Variants in SRGAP2 observed in about 807,000 individuals in gnomAD.
SRGAP2 encodes the protein SLIT-ROBO Rho GTPase activating protein 2, also known as SLIT-ROBO Rho GTPase-activating protein 2.
A neutral mutation model predicts 57.2 loss-of-function variants in SRGAP2; 15 were observed. That is an observed-to-expected ratio of 0.26 (90% CI 0.18 to 0.40). The LOEUF (loss-of-function observed/expected upper bound fraction) is 0.40. Ranked by LOEUF, SRGAP2 falls within the 10% of genes least tolerant of loss-of-function variation. The probability of loss-of-function intolerance (pLI) is 1.00; values close to 1 mark genes in which losing one functional copy is unlikely to be tolerated. For missense variants in SRGAP2, 520 were observed against 669.6 expected (o/e 0.78, Z 2.47); for synonymous variants, 249 against 248.0 (o/e 1.00, Z -0.04).
chr1:206,250,231 T>A (rs1404676172), intron 2 of SRGAP2, among the ~76,000 whole-genome samples: 1 of 152,026 alleles, frequency 6.6e-6, no homozygotes, highest in African/African-American at 2.4e-5. Context: ...CTTTTCTCAT[T>A]ATTGATGTGA....
intron 4 of SRGAP2, among the ~76,000 whole-genome samples, chr1:206,347,660 G>A (rs1194555080): frequency 3.3e-5 from 5 of 151,106 alleles, no homozygotes; most frequent in Admixed American, 2.0e-4. Context: ...AGAATCCAAC[G>A]TTTTCATCTA....
chr1:206,304,655 C>T (rs1324195198), intron 3 of SRGAP2, among the ~76,000 whole-genome samples: 1 of 149,850 alleles, frequency 6.7e-6, no homozygotes, highest in African/African-American at 2.4e-5. Flanking sequence ...TCTGCCTGCT[C>T]CATTGTGATC....
intron 14 of SRGAP2, among the ~76,000 whole-genome samples, chr1:206,434,971 G>A (rs1553369497): frequency 6.6e-6 from 1 of 152,186 alleles, no homozygotes; most frequent in African/African-American, 2.4e-5. Context: ...TTCTCTCAAA[G>A]CACTTGTTGT....
At chr1:206,312,083 A>G (rs1327260056) in intron 3 of SRGAP2, 1 of 152,260 alleles carries the variant, frequency 6.6e-6, no homozygotes, top group Non-Finnish European at 1.5e-5. Flanking sequence ...CTCTGCCCAG[A>G]ACATCTCAGC....
At chr1:206,460,495 A>G (rs1553380100) in intron 22 of SRGAP2, among the ~76,000 whole-genome samples, 1 of 151,622 alleles carries the variant, frequency 6.6e-6, no homozygotes, top group Non-Finnish European at 1.5e-5. Flanking sequence ...GGGCGGGGGG[A>G]GGCGTATTGG....
At chr1:206,457,206 A>C (rs1663913155) in intron 21 of SRGAP2, among the ~76,000 whole-genome samples, 1 of 152,070 alleles carries the variant, frequency 6.6e-6, no homozygotes, top group Admixed American at 6.6e-5. Context: ...TCAAGCAGAA[A>C]AAGGAAATCA....
intron 3 of SRGAP2, among the ~76,000 whole-genome samples, chr1:206,335,964 C>T (rs1245542338): frequency 6.6e-6 from 1 of 152,210 alleles, no homozygotes; most frequent in African/African-American, 2.4e-5. Flanking sequence ...ACCTAACCCA[C>T]AAGAACCTTG....
chr1:206,347,325 C>A (rs868985351), intron 4 of SRGAP2, among the ~76,000 whole-genome samples: 2 of 149,012 alleles, frequency 1.3e-5, no homozygotes, highest in Non-Finnish European at 3.0e-5. Flanking sequence ...CGCCTGTAAT[C>A]GCAGCGCTTT....
chr1:206,355,134 T>C (rs1288683805), intron 4 of SRGAP2, among the ~76,000 whole-genome samples: 1 of 152,182 alleles, frequency 6.6e-6, no homozygotes, highest in Non-Finnish European at 1.5e-5. Flanking sequence ...TCCAAGCCAG[T>C]ATCTAATGCA....
intron 2 of SRGAP2, among the ~76,000 whole-genome samples, chr1:206,286,988 A>C (rs1347343269): frequency 7.2e-5 from 11 of 152,202 alleles, no homozygotes; most frequent in Non-Finnish European, 1.3e-4. Context: ...AGGAGGCAGC[A>C]AGACCAGTTA....
chr1:206,426,726 G>A (rs1553366455), intron 13 of SRGAP2, among the ~76,000 whole-genome samples: 2 of 152,150 alleles, frequency 1.3e-5, no homozygotes, highest in African/African-American at 4.8e-5. Context: ...GTGACATTGA[G>A]CATTTTTTCA....
intron 19 of SRGAP2, among the ~76,000 whole-genome samples, chr1:206,452,489 T>C (rs1001235727): frequency 3.3e-5 from 5 of 152,168 alleles, no homozygotes; most frequent in African/African-American, 4.8e-5. Flanking sequence ...ACTGGAATTA[T>C]TATATAATTA....
At chr1:206,233,420 G>T (rs1225392341) in intron 2 of SRGAP2, among the ~76,000 whole-genome samples, 1 of 152,164 alleles carries the variant, frequency 6.6e-6, no homozygotes, top group African/African-American at 2.4e-5. Flanking sequence ...GCTGGGGAGG[G>T]GTGGGAGTGA....
chr1:206,284,429 G>T (rs1346828801), intron 2 of SRGAP2, among the ~76,000 whole-genome samples: 1 of 150,854 alleles, frequency 6.6e-6, no homozygotes, highest in Non-Finnish European at 1.5e-5. Context: ...TCTTGTTGTT[G>T]GTTTTTTTGT....
Position 206,432,555 on chromosome 1 carries a change from A to G in SRGAP2, c.1555+2333A>G, listed in dbSNP as rs571435327. Among the ~76,000 whole-genome samples the G allele has an allele frequency of 6.6e-5, 10 of 152,340 alleles. No individual in the cohort carries two copies. The South Asian group carries it at 2.1e-3, about 32-fold the overall frequency. ...CCATACATAGAGGAGTGGTTGAAGAAACTATGGGACATTCATTCAATGGAG... is the reference window on the plus strand; with the variant it reads ...CCATACATAGAGGAGTGGTTGAAGAGACTATGGGACATTCATTCAATGGAG... On this transcript the variant is annotated intron_variant, in intron 14 of 22. Transcript: ENST00000573034.
chr1:206,428,665 T>C (rs1182150911), intron 13 of SRGAP2, among the ~76,000 whole-genome samples: 3 of 152,050 alleles, frequency 2.0e-5, no homozygotes, highest in Admixed American at 2.0e-4. Flanking sequence ...TCATTTTTCT[T>C]TTCTTTTTCT....
intron 3 of SRGAP2, among the ~76,000 whole-genome samples, chr1:206,306,209 T>C (rs1457073031): frequency 2.6e-5 from 4 of 152,306 alleles, no homozygotes; most frequent in South Asian, 2.1e-4. Flanking sequence ...TGCGGACCCT[T>C]GCGGTGAGTG....
At chr1:206,216,131 AC>A (rs1666628921) in intron 2 of SRGAP2, among the ~76,000 whole-genome samples, 1 of 145,720 alleles carries the variant, frequency 6.9e-6, no homozygotes, top group Non-Finnish European at 1.5e-5. Context: ...TTATACAAGG[AC>A]AAGTACAAAC....
At chr1:206,460,841 C>A (rs1423987811) in intron 22 of SRGAP2, among the ~76,000 whole-genome samples, 196 bp from the exon 23 acceptor site, 1 of 151,230 alleles carries the variant, frequency 6.6e-6, no homozygotes, top group Non-Finnish European at 1.5e-5. Flanking sequence ...AAAAAAAAAT[C>A]TCATGACAGT....
Sources: allele counts gnomAD v4.1 joint callset (sites outside exome capture counted in the v4.1 genomes callset), GRCh38; gene constraint gnomAD v4.1.1; transcripts MANE v1.5; gene names NCBI Gene and HGNC (gene_info 2026-07-23, HGNC 2026-07-21).